Variants in FARP1 observed in about 807,000 individuals in gnomAD.
The protein encoded by FARP1 is FERM, ARH/RhoGEF and pleckstrin domain protein 1.
In FARP1, 52 loss-of-function variants were observed where a neutral mutation model predicts 128.8. That is an observed-to-expected ratio of 0.40 (90% CI 0.32 to 0.51). FARP1 has a LOEUF of 0.51. FARP1 is among the 20% of genes least tolerant of loss of function. FARP1 has a pLI of 0.45. For missense variants in FARP1, 1,333 were observed against 1,367.9 expected, an observed-to-expected ratio of 0.97 and a Z score of 0.40; for synonymous variants, 580 against 551.8, an observed-to-expected ratio of 1.05 and a Z score of -0.72.
intron 1 of FARP1, among the ~76,000 whole-genome samples, chr13:98,190,825 G>A (rs1879181339): frequency 6.6e-6 from 1 of 151,572 alleles, no homozygotes; most frequent in East Asian, 1.9e-4. Flanking sequence ...TAGATTACAG[G>A]CATGAGCCAA....
At chr13:98,355,543 T>C (rs1409864524) in intron 3 of FARP1, among the ~76,000 whole-genome samples, 1 of 152,104 alleles carries the variant, frequency 6.6e-6, no homozygotes, top group Non-Finnish European at 1.5e-5. Flanking sequence ...GCATCCCAGA[T>C]TAGGAACTCT....
chr13:98,179,812 A>G (rs1878376247), intron 1 of FARP1, among the ~76,000 whole-genome samples: 1 of 152,142 alleles, frequency 6.6e-6, no homozygotes, highest in African/African-American at 2.4e-5. Flanking sequence ...AGCCGAGATC[A>G]AGCCACTGCA....
chr13:98,359,305 G>A (rs1186872562), intron 3 of FARP1, among the ~76,000 whole-genome samples: 1 of 152,088 alleles, frequency 6.6e-6, no homozygotes, highest in Non-Finnish European at 1.5e-5. Context: ...GCACACAGTG[G>A]GTGCTCAAGA....
At chr13:98,161,134 ACG>A (rs1876853069) in intron 1 of FARP1, among the ~76,000 whole-genome samples, 1 of 151,614 alleles carries the variant, frequency 6.6e-6, no homozygotes, top group Admixed American at 6.6e-5. Flanking sequence ...ATTTTTAAGA[ACG>A]CTCTATTTTT....
chr13:98,166,598 C>A lies in FARP1; in HGVS notation c.-24+23106C>A, dbSNP rs181864690. Reference sequence around the variant, plus strand: ...AGCAGAGCAGAGATTTGAACCCACACAATCTGGATCTGCTGTTGGCTCTTA... The same window carrying A: ...AGCAGAGCAGAGATTTGAACCCACAAAATCTGGATCTGCTGTTGGCTCTTA... On this transcript the variant is annotated intron_variant, in intron 1 of 26. Transcript: ENST00000319562. Among the ~76,000 whole-genome samples the A allele has an allele frequency of 3.8e-3, 585 of 152,286 alleles. 2 individuals are homozygous for A. The highest frequency in any genetic ancestry group is 6.8e-3 in the Middle Eastern group (2 of 294).
intron 4 of FARP1, among the ~76,000 whole-genome samples, chr13:98,366,418 T>C (rs1889086774): frequency 6.6e-6 from 1 of 152,252 alleles, no homozygotes; most frequent in Non-Finnish European, 1.5e-5. Context: ...TGAGCATGGC[T>C]GGCAGGCAAC....
At chr13:98,356,919 C>T (rs1888669208) in intron 3 of FARP1, among the ~76,000 whole-genome samples, 1 of 152,136 alleles carries the variant, frequency 6.6e-6, no homozygotes, top group Admixed American at 6.6e-5. Flanking sequence ...AGGCATGAGC[C>T]ACTGAGCCCG....
At chr13:98,326,331 A>C (rs1566881281) in intron 2 of FARP1, among the ~76,000 whole-genome samples, 1 of 152,164 alleles carries the variant, frequency 6.6e-6, no homozygotes, top group Non-Finnish European at 1.5e-5. Flanking sequence ...CACCTACATA[A>C]AATTTACCAC....
Position 98,446,900 on chromosome 13 carries a change from G to C in FARP1, c.3056+83G>C, listed in dbSNP as rs1892879353. On this transcript the variant is annotated intron_variant, in intron 26 of 26. Transcript: ENST00000319562. The stretch of plus-strand genomic sequence containing the variant: ...ATCAGGATTTCTCCCAAGTCAGCGA[G>C]TGAGATGGCCCCACCCTTCCCTGCC... 5 of 1,461,720 alleles carry C rather than the reference G, an allele frequency of 3.4e-6. 1 individual carries two copies. The Admixed American group carries it at 8.6e-5, about 25-fold the overall frequency. The allele number at this position is 1,461,720 out of a possible 1,614,324, so 90.5% of individuals were successfully genotyped here.
intron 2 of FARP1, among the ~76,000 whole-genome samples, chr13:98,228,279 G>C (rs749004554): frequency 7.9e-5 from 12 of 152,216 alleles, no homozygotes; most frequent in Non-Finnish European, 1.6e-4. Flanking sequence ...AGAATTGCTT[G>C]AACCCAGGAG....
chr13:98,252,299 A>G (rs1346147879), intron 2 of FARP1, among the ~76,000 whole-genome samples: 1 of 152,240 alleles, frequency 6.6e-6, no homozygotes, highest in Non-Finnish European at 1.5e-5. Context: ...TGTGAGACTC[A>G]TAAGACTAAA....
intron 1 of FARP1, among the ~76,000 whole-genome samples, chr13:98,147,823 A>G (rs774694): frequency 1.1e-5 from 1 of 90,586 alleles, no homozygotes; most frequent in Non-Finnish European, 2.2e-5. Context: ...CGCCCAGCTA[A>G]TTTTTTCTTT....
intron 3 of FARP1, among the ~76,000 whole-genome samples, chr13:98,355,783 A>G (rs1888615129): frequency 6.6e-6 from 1 of 152,066 alleles, no homozygotes; most frequent in South Asian, 2.1e-4. Context: ...GTGGCATCCC[A>G]CAAAGGTTGA....
chr13:98,312,175 C>T (rs1325203386), intron 2 of FARP1, among the ~76,000 whole-genome samples: 1 of 122,218 alleles, frequency 8.2e-6, no homozygotes, highest in Non-Finnish European at 1.6e-5. Context: ...GAGTCTCGCT[C>T]TGTCGCCCAG....
At chr13:98,232,959 G>A (rs1882215279) in intron 2 of FARP1, among the ~76,000 whole-genome samples, 1 of 152,214 alleles carries the variant, frequency 6.6e-6, no homozygotes, top group Admixed American at 6.5e-5. Context: ...AGGCTCAGAA[G>A]TTCAAGGGCC....
chr13:98,213,277 C>T lies in FARP1; in HGVS notation c.35C>T (p.Ser12Leu), dbSNP rs763762166. ...GEIEQRPTPG[S>L]RLGAPENSGI... ...ATAGAGCAGAGGCCGACCCCAGGATCACGACTGGGGGCCCCGGAAAATTCG... is the reference window on the plus strand; with the variant it reads ...ATAGAGCAGAGGCCGACCCCAGGATTACGACTGGGGGCCCCGGAAAATTCG... The change falls in exon 2 of 27, where the codon TCA becomes TTA. Residue 12 changes from serine (S) to leucine (L), a missense_variant. By Grantham distance (145) the Ser-to-Leu change is moderately radical. This residue lies in a region of FARP1 where 324 missense variants were observed against 398.1 expected (regional missense o/e 0.81). Coordinates refer to ENST00000319562, the MANE Select transcript of FARP1 (RefSeq NM_005766.4). 1.2e-6 allele frequency: 2 copies of T among 1,614,014 alleles called. No homozygotes were observed. Among genetic ancestry groups the T allele is most frequent in the South Asian group, 1.1e-5 (1 of 91,056 alleles).
chr13:98,428,502 C>CT (rs1299698940), intron 17 of FARP1, among the ~76,000 whole-genome samples: 1 of 152,218 alleles, frequency 6.6e-6, no homozygotes, highest in African/African-American at 2.4e-5. Context: ...CAACCCACTA[C>CT]TTATATGATG....
chr13:98,343,744 T>C lies in FARP1; in HGVS notation c.172-18T>C. On this transcript the variant is annotated intron_variant, in intron 2 of 26. Transcript: ENST00000319562. ...CCGTGCCTGCCTCAGGGATAACCCCTGTTGTTTCTGCTCACAGCAAAGAGC... is the reference window on the plus strand; with the variant it reads ...CCGTGCCTGCCTCAGGGATAACCCCCGTTGTTTCTGCTCACAGCAAAGAGC... 6.3e-7 allele frequency: 1 copy of C among 1,579,024 alleles called. No individual in the cohort carries two copies. The highest frequency in any genetic ancestry group is 2.2e-5 in the East Asian group (1 of 44,690).
chr13:98,200,396 C>CCCCCCCCCCCCCCCCGG (rs1555327094), intron 1 of FARP1, among the ~76,000 whole-genome samples: 1 of 147,038 alleles, frequency 6.8e-6, no homozygotes, highest in Admixed American at 6.7e-5. Flanking sequence ...CACCCCCCCC[C>CCCCCCCCCCCCCCCCGG]CCTCCCCTTT....
Sources: allele counts gnomAD v4.1 joint callset (sites outside exome capture counted in the v4.1 genomes callset), GRCh38; gene constraint gnomAD v4.1.1; regional missense constraint gnomAD v4.1.1; transcripts MANE v1.5; gene names NCBI Gene and HGNC (gene_info 2026-07-23, HGNC 2026-07-21).